NAALADL2: variants seen among roughly 807,000 people sequenced by gnomAD.
NAALADL2 encodes the protein inactive N-acetylated-alpha-linked acidic dipeptidase-like protein 2.
NAALADL2 carries 76 observed loss-of-function variants against 87.2 expected under a neutral mutation model. That is an observed-to-expected ratio of 0.87 (90% CI 0.72 to 1.05). NAALADL2 has a LOEUF of 1.05. Among genes scored for constraint, NAALADL2 ranks in the 50% least tolerant of loss-of-function variants. The probability of loss-of-function intolerance (pLI) is 0.00; values close to 1 mark genes in which losing one functional copy is unlikely to be tolerated. For synonymous variants in NAALADL2, 354 were observed against 331.0 expected (o/e 1.07, Z -0.75); for missense variants, 1,089 against 945.8 (o/e 1.15, Z -1.99).
intron 2 of NAALADL2, among the ~76,000 whole-genome samples, chr3:174,672,919 A>C (rs200579292): frequency 1.7e-4 from 1 of 6,058 alleles, no homozygotes; most frequent in Non-Finnish European, 2.6e-4. Context: ...GCTTGTACAC[A>C]GTGGCTTGTA....
chr3:174,463,840 C>T (rs951705507), intron 1 of NAALADL2, among the ~76,000 whole-genome samples: 2 of 152,012 alleles, frequency 1.3e-5, no homozygotes, highest in South Asian at 2.1e-4. Flanking sequence ...CCTTGTGATC[C>T]GCCTGCCTCG....
intron 2 of NAALADL2, among the ~76,000 whole-genome samples, chr3:174,609,149 T>C (rs1719480359): frequency 6.6e-6 from 1 of 152,174 alleles, no homozygotes; most frequent in African/African-American, 2.4e-5. Flanking sequence ...AATTAGGTAT[T>C]GATGGGATGT....
intron 9 of NAALADL2, among the ~76,000 whole-genome samples, chr3:175,534,425 T>G (rs893579567): frequency 6.6e-6 from 1 of 152,220 alleles, no homozygotes; most frequent in African/African-American, 2.4e-5. Flanking sequence ...CATCTAGCAT[T>G]GCAGAAAGAG....
At chr3:175,159,079 G>T (rs1230542673) in intron 2 of NAALADL2, among the ~76,000 whole-genome samples, 3 of 152,040 alleles carry the variant, frequency 2.0e-5, no homozygotes, top group Non-Finnish European at 4.4e-5. Flanking sequence ...AATTCAATTT[G>T]GATTCCAACA....
intron 2 of NAALADL2, among the ~76,000 whole-genome samples, chr3:175,169,846 C>G (rs948890649): frequency 4.0e-5 from 6 of 151,746 alleles, no homozygotes; most frequent in African/African-American, 1.4e-4. Flanking sequence ...TGTTAAGTTT[C>G]TGATATAGCT....
intron 13 of NAALADL2, among the ~76,000 whole-genome samples, chr3:175,792,305 T>C (rs1752889902): frequency 6.6e-6 from 1 of 152,210 alleles, no homozygotes; most frequent in Non-Finnish European, 1.5e-5. Flanking sequence ...CTTAAAAATA[T>C]TAAATGTGAT....
chr3:174,987,887 G>A (rs1746190823), intron 1 of NAALADL2, among the ~76,000 whole-genome samples: 1 of 148,788 alleles, frequency 6.7e-6, no homozygotes, highest in South Asian at 2.1e-4. Flanking sequence ...GCCCAGGCTT[G>A]TCTTGAACTC....
At chr3:174,742,194 G>T (rs537978402) in intron 3 of NAALADL2, among the ~76,000 whole-genome samples, 1 of 151,404 alleles carries the variant, frequency 6.6e-6, no homozygotes, top group Non-Finnish European at 1.5e-5. Flanking sequence ...AATATTTATG[G>T]TGAGCCTATT....
At chr3:174,682,111 T>C (rs1259835271) in intron 2 of NAALADL2, among the ~76,000 whole-genome samples, 1 of 152,154 alleles carries the variant, frequency 6.6e-6, no homozygotes, top group Non-Finnish European at 1.5e-5. Flanking sequence ...ATGCCTTCCC[T>C]CTGCCTGGAG....
chr3:174,911,282 C>G (rs1733670279), intron 1 of NAALADL2, among the ~76,000 whole-genome samples: 1 of 152,050 alleles, frequency 6.6e-6, no homozygotes, highest in Non-Finnish European at 1.5e-5. Context: ...GACATAGTGA[C>G]TGATTCATAA....
intron 1 of NAALADL2, among the ~76,000 whole-genome samples, chr3:174,891,137 G>A (rs549380231): frequency 2.4e-4 from 36 of 152,190 alleles, no homozygotes; most frequent in African/African-American, 5.5e-4. Flanking sequence ...TTAAGTAATA[G>A]ATAAGTAACG....
chr3:174,837,249 G>C (rs1723441259), intron 3 of NAALADL2, among the ~76,000 whole-genome samples: 1 of 152,158 alleles, frequency 6.6e-6, no homozygotes, highest in Non-Finnish European at 1.5e-5. Context: ...ACATTAGCAA[G>C]ATTAACCAAG....
chr3:175,409,670 T>C (rs1191569970), intron 5 of NAALADL2, among the ~76,000 whole-genome samples: 1 of 151,910 alleles, frequency 6.6e-6, no homozygotes, highest in African/African-American at 2.4e-5. Flanking sequence ...GACTTGTAAA[T>C]TCATTAATTT....
rs534198540 is a variant in NAALADL2, at chr3:175,326,728, T to C, written c.1090+2403T>C. Among the ~76,000 whole-genome samples, 3 of 152,322 alleles carry C rather than the reference T, an allele frequency of 2.0e-5. No individual in the cohort carries two copies. In the South Asian group the frequency reaches 6.2e-4, roughly 32 times the overall value. ...AGGCATAATGGTAAGAGAGCATCCATGAGAGCAAGAAAGGGCCAAACTCAC... is the reference window on the plus strand; with the variant it reads ...AGGCATAATGGTAAGAGAGCATCCACGAGAGCAAGAAAGGGCCAAACTCAC... On this transcript the variant is annotated intron_variant, in intron 5 of 13. Coordinates refer to ENST00000454872, the MANE Select transcript of NAALADL2 (RefSeq NM_207015.3).
At chr3:175,476,051 G>A (rs1725659808) in intron 9 of NAALADL2, among the ~76,000 whole-genome samples, 1 of 152,124 alleles carries the variant, frequency 6.6e-6, no homozygotes, top group African/African-American at 2.4e-5. Flanking sequence ...AGTCGTTGTT[G>A]TTGTTTTAAG....
At chr3:175,153,952 C>A (rs1309601118) in intron 2 of NAALADL2, among the ~76,000 whole-genome samples, 2 of 152,130 alleles carry the variant, frequency 1.3e-5, no homozygotes, top group Admixed American at 6.6e-5. Flanking sequence ...AGTTGTGAAA[C>A]TGTAAAGCAA....
intron 5 of NAALADL2, among the ~76,000 whole-genome samples, chr3:175,328,769 T>C (rs182420208): frequency 7.4e-4 from 113 of 152,242 alleles, no homozygotes; most frequent in African/African-American, 2.7e-3. Flanking sequence ...GTAGTTGGAG[T>C]TATATTTGGC....
At chr3:174,804,015 G>T (rs919839291) in intron 3 of NAALADL2, among the ~76,000 whole-genome samples, 3 of 152,142 alleles carry the variant, frequency 2.0e-5, no homozygotes, top group African/African-American at 7.2e-5. Flanking sequence ...GAAAGTCAAT[G>T]GTAGCTTCAT....
intron 5 of NAALADL2, among the ~76,000 whole-genome samples, chr3:175,345,922 C>T (rs1172286969): frequency 6.6e-6 from 1 of 152,104 alleles, no homozygotes; most frequent in African/African-American, 2.4e-5. Context: ...CAAATACTGT[C>T]TTTGAAAATT....
Sources: gnomAD v4.1 joint callset for allele counts (sites outside exome capture counted in the v4.1 genomes callset) on GRCh38, gnomAD v4.1.1 for gene constraint, MANE v1.5 for transcripts, NCBI Gene and HGNC (gene_info 2026-07-23, HGNC 2026-07-21) for gene names.